USP35: variants seen among roughly 807,000 people sequenced by gnomAD.
USP35 encodes the protein ubiquitin carboxyl-terminal hydrolase 35.
USP35 carries 69 observed loss-of-function variants against 83.8 expected under a neutral mutation model. That is an observed-to-expected ratio of 0.82 (90% CI 0.68 to 1.01). USP35 has a LOEUF of 1.01. USP35 is among the 50% of genes least tolerant of loss of function. The probability of loss-of-function intolerance (pLI) is 0.00; values close to 1 mark genes in which losing one functional copy is unlikely to be tolerated. For synonymous variants in USP35, 714 were observed against 589.5 expected, an observed-to-expected ratio of 1.21 and a Z score of -3.06; for missense variants, 1,503 against 1,362.5, an observed-to-expected ratio of 1.10 and a Z score of -1.62.
chr11:78,233,040 G>GTTTTTTTTTTTTTTTTTTTTT, the USP35 span, among the ~76,000 whole-genome samples: 2 of 132,004 alleles, frequency 1.5e-5, no homozygotes, highest in African/African-American at 6.0e-5. Context: ...GCACTGTTAA[G>GTTTTTTTTTTTTTTTTTTTTT]TTTTTTTTTT....
the USP35 span, among the ~76,000 whole-genome samples, chr11:78,227,943 G>A: frequency 6.6e-6 from 1 of 152,164 alleles, no homozygotes; most frequent in Non-Finnish European, 1.5e-5. Flanking sequence ...TCTATATGAA[G>A]AATGGTTTCC....
chr11:78,227,081 G>A, the USP35 span: 1 of 1,448,894 alleles, frequency 6.9e-7, no homozygotes, highest in African/African-American at 1.4e-5. Context: ...AAGGGCAGGA[G>A]GGTGAGACAA....
Position 78,209,820 on chromosome 11 carries a change from C to T in USP35, c.1965C>T (p.Thr655=), listed in dbSNP as rs1863675328. The change falls in exon 10 of 11, where the codon ACC becomes ACT. Residue 655 remains threonine, a synonymous_variant. Transcript: ENST00000529308. The part of the protein sequence containing the change: ...KHCITEDTPP[T]SLYIEGLDSK... ...GCATCACAGAGGACACCCCCCCCAC[C>T]AGCCTGTACATCGAAGGCCTGGACT... is the stretch of plus-strand genomic sequence containing the variant. The T allele has an allele frequency of 1.9e-6, 3 of 1,613,704 alleles. No individual in the cohort carries two copies. The highest frequency in any genetic ancestry group is 2.5e-6 in the Non-Finnish European group (3 of 1,179,832).
intron 10 of USP35, among the ~76,000 whole-genome samples, chr11:78,211,027 C>G (rs1468278428): frequency 6.6e-6 from 1 of 152,172 alleles, no homozygotes; most frequent in African/African-American, 2.4e-5. Flanking sequence ...GTTTGCTGCA[C>G]AGATCAACCC....
Position 78,196,816 on chromosome 11 carries a change from C to T in USP35, c.571C>T (p.Gln191Ter), listed in dbSNP as rs1863162521. ...GGAGGGCGCCGTGGAGTTCCTAGAG[C>T]AGGCCCAGCAGGTGAGCGGGCTCCT... ...GEEGAVEFLE[Q>*]AQQVSGLLAQ... Residue 191 changes from glutamine (Q) to a stop codon, truncating the protein, a stop_gained, in exon 2 of 11, where the codon CAG (glutamine) becomes TAG (stop). Coordinates refer to ENST00000529308, the MANE Select transcript of USP35 (RefSeq NM_020798.4). LOFTEE classifies it high-confidence loss of function. This position sits in a 1 kb window ranked among gnomAD's most constrained non-coding sequence, Gnocchi z 4.8. The T allele has an allele frequency of 6.5e-7, 1 of 1,532,716 alleles. No homozygotes were observed. Among genetic ancestry groups the T allele is most frequent in the South Asian group, 1.2e-5 (1 of 83,728 alleles). The allele number at this position is 1,532,716 out of a possible 1,614,324, so 94.9% of individuals were successfully genotyped here.
At chr11:78,218,466 C>T (rs190246873), downstream of USP35, 748 of 152,616 alleles carry the variant, frequency 4.9e-3, 6 homozygotes, top group Non-Finnish European at 7.8e-3. Context: ...CCTGTAGCTC[C>T]AGAGTTCTGG....
intron 6 of USP35, 72 bp from the exon 7 acceptor site, chr11:78,205,770 C>A (rs906838664): frequency 1.2e-4 from 179 of 1,531,644 alleles, no homozygotes; most frequent in Non-Finnish European, 1.4e-4. Context: ...GAAGGCCTCC[C>A]AGAAGAGGTG....
chr11:78,201,128 T>G (rs1201885370), intron 6 of USP35, among the ~76,000 whole-genome samples: 2 of 152,220 alleles, frequency 1.3e-5, no homozygotes, highest in Non-Finnish European at 1.5e-5. Flanking sequence ...CCTGCTTACC[T>G]TGTAAGTCTC....
rs541335007 is a variant in USP35, at chr11:78,204,682, G to A, written c.1198-1160G>A. Among the ~76,000 whole-genome samples, 6 of 152,250 alleles carry A rather than the reference G, an allele frequency of 3.9e-5. No individual in the cohort carries two copies. In the East Asian group the frequency reaches 1.2e-3, roughly 29 times the overall value. On this transcript the variant is annotated intron_variant, in intron 6 of 10. Coordinates refer to ENST00000529308, the MANE Select transcript of USP35 (RefSeq NM_020798.4). ...ACAGGCGAGGAGGGCATTAGATAGG[G>A]TATCATGAACAGAAAAAAGAAGGGA... is the stretch of plus-strand genomic sequence containing the variant.
Position 78,209,846 on chromosome 11 carries a change from C to G in USP35, c.1991C>G (p.Ser664Cys). 6.2e-7 allele frequency: 1 copy of G among 1,612,670 alleles called. No individual in the cohort carries two copies. The highest frequency in any genetic ancestry group is 1.1e-5 in the South Asian group (1 of 90,932). The change falls in exon 10 of 11, where the codon TCC (serine) becomes TGC (cysteine). Residue 664 changes from serine to cysteine, a missense_variant. Transcript: ENST00000529308. ...PTSLYIEGLD[S>C]KEAGGQSSQE... ...AGCCTGTACATCGAAGGCCTGGACT[C>G]CAAGGAAGCTGGTGGGCAGAGCAGT...
At chr11:78,226,974 C>A in the USP35 span, 23 of 1,613,584 alleles carry the variant, frequency 1.4e-5, no homozygotes, top group Non-Finnish European at 1.9e-5. Flanking sequence ...GTGTCCATTG[C>A]CCTGGGCAAG....
At chr11:78,198,092 G>C (rs779199004) in intron 3 of USP35, 24 bp downstream of exon 3, 1 of 1,613,686 alleles carries the variant, frequency 6.2e-7, no homozygotes, top group East Asian at 2.2e-5. Context: ...GCTGAGCCAT[G>C]ATCAGGGCTG....
rs759323005 is a variant in USP35 at position 78,210,641 on chromosome 11, A to C, written c.2786A>C (p.Glu929Ala). ...YVLFYRQRPR[E>A]GPEAELGSSR... ...CTGTTTTACCGGCAGCGGCCCAGGG[A>C]GGGGCCCGAGGCTGAGTTGGGCTCT... Residue 929 changes from glutamate to alanine, a missense_variant, in exon 10 of 11, where the codon GAG becomes GCG. By Grantham distance (107) the Glu-to-Ala change is moderately radical. Transcript: ENST00000529308. 17 of 1,614,044 alleles carry C rather than the reference A, an allele frequency of 1.1e-5. No homozygotes were observed. Among genetic ancestry groups the C allele is most frequent in the South Asian group, 7.7e-5 (7 of 91,042 alleles).
In USP35 at chr11:78,214,276, T is replaced by TTCTCATATGGGG. The variant is rs1863971578; in HGVS notation, c.*464_*465insCTCATATGGGGT. 1 of 139,960 alleles carries TTCTCATATGGGG rather than the reference T, an allele frequency of 7.1e-6. No individual in the cohort carries two copies. Among genetic ancestry groups the TTCTCATATGGGG allele is most frequent in the African/African-American group, 2.7e-5 (1 of 37,522 alleles). 8.7% of individuals were successfully genotyped at this position (139,960 alleles called of 1,614,324 possible). A position where few individuals can be genotyped will look rare whatever the true frequency, so the allele number is the denominator to read the frequency against. On this transcript the variant is annotated 3_prime_UTR_variant, in exon 11 of 11. Coordinates refer to ENST00000529308, the MANE Select transcript of USP35 (RefSeq NM_020798.4). ...TGTCTCCTCTGGCTGTCCTGTTTGT[T>TTCTCATATGGGG]TGTTTCTCATATGGGGGTGGGGGGT... is the stretch of plus-strand genomic sequence containing the variant.
the USP35 span, among the ~76,000 whole-genome samples, chr11:78,231,291 T>C: frequency 2.6e-5 from 4 of 152,020 alleles, no homozygotes; most frequent in African/African-American, 7.2e-5. Context: ...ATAGAGGCTA[T>C]TGCCACCATA....
At chr11:78,235,271 G>C in the USP35 span, among the ~76,000 whole-genome samples, 1 of 151,848 alleles carries the variant, frequency 6.6e-6, no homozygotes, top group Non-Finnish European at 1.5e-5. Flanking sequence ...TCCTGCCTCA[G>C]TCTCCCGAGT....
chr11:78,206,980 C>T (rs558017933), intron 7 of USP35, among the ~76,000 whole-genome samples: 2 of 152,330 alleles, frequency 1.3e-5, no homozygotes, highest in East Asian at 3.9e-4. Flanking sequence ...TTGACCTCTG[C>T]CTCCCTCATT....
intron 3 of USP35, chr11:78,198,708 G>A: frequency 1.0e-6 from 1 of 985,268 alleles, no homozygotes; most frequent in Non-Finnish European, 1.2e-6. Context: ...GTAAGAGTGT[G>A]GGCTCTCGAG....
chr11:78,200,547 C>T, intron 5 of USP35, 103 bp from the exon 6 acceptor site: 5 of 1,490,426 alleles, frequency 3.4e-6, no homozygotes, highest in Non-Finnish European at 4.5e-6. Flanking sequence ...GGTGGGCAAG[C>T]CTCCCTACCT....
Sources: allele counts gnomAD v4.1 joint callset (sites outside exome capture counted in the v4.1 genomes callset), GRCh38; gene constraint gnomAD v4.1.1; non-coding constraint Gnocchi (gnomAD v3.1); transcripts MANE v1.5; gene names NCBI Gene and HGNC (gene_info 2026-07-23, HGNC 2026-07-21).